The following BMP1 variants were observed in gnomAD, a reference collection of about 807,000 sequenced individuals.
BMP1 encodes the protein mammalian tolloid protein.
Under a neutral mutation model 116.8 loss-of-function variants are expected in BMP1, and 63 were observed. The observed-to-expected ratio is 0.54, with a 90% CI of 0.44 to 0.67. The LOEUF (loss-of-function observed/expected upper bound fraction) is 0.67. Ranked by LOEUF, BMP1 falls within the 30% of genes least tolerant of loss-of-function variation. The probability of loss-of-function intolerance (pLI) is 0.00; values close to 1 mark genes in which losing one functional copy is unlikely to be tolerated. For synonymous variants in BMP1, 536 were observed against 533.4 expected (o/e 1.00, Z -0.07); for missense variants, 1,183 against 1,358.9 (o/e 0.87, Z 2.04).
chr8:22,195,469 C>G lies in BMP1; in HGVS notation c.1647C>G (p.Asp549Glu). The G allele has an allele frequency of 6.2e-7, 1 of 1,606,820 alleles. No homozygotes were observed. Among genetic ancestry groups the G allele is most frequent in the Non-Finnish European group, 8.5e-7 (1 of 1,178,126 alleles). Residue 549 changes from aspartate (D) to glutamate (E), a missense_variant, in exon 13 of 20, where the codon GAC (aspartate) becomes GAG (glutamate). By Grantham distance (45) the Asp-to-Glu change is conservative. Coordinates refer to ENST00000306385, the MANE Select transcript of BMP1 (RefSeq NM_006129.5). Reference sequence around the variant, plus strand: ...CTTTCCTTCCCACCACAGAGGTGGACGAGTGCTCTCGGCCCAACCGCGGGG... The same window carrying G: ...CTTTCCTTCCCACCACAGAGGTGGAGGAGTGCTCTCGGCCCAACCGCGGGG... Reference protein sequence around the residue: ...GFAVNFFKEVDECSRPNRGGC... With the variant: ...GFAVNFFKEVEECSRPNRGGC...
At chr8:22,183,056 TG>T (rs1488272024) in intron 8 of BMP1, among the ~76,000 whole-genome samples, 23 of 152,240 alleles carry the variant, frequency 1.5e-4, no homozygotes, top group Admixed American at 6.5e-4. Flanking sequence ...GCTTCTCTCT[TG>T]GTTGATATTC....
At position 22,195,547 on chromosome 8, in the gene BMP1, C is replaced by T. The variant is rs2131885141; in HGVS notation, c.1725C>T (p.Asp575=). The T allele has an allele frequency of 2.5e-6, 4 of 1,612,582 alleles. No individual in the cohort carries two copies. The highest frequency in any genetic ancestry group is 1.7e-4 in the Middle Eastern group (1 of 5,804). ...TGGGCAGCTACAAGTGCAGCTGTGA[C>T]CCCGGGTACGAGCTGGCCCCAGACA... ...NTLGSYKCSC[D]PGYELAPDKR... The change falls in exon 13 of 20, where the codon GAC becomes GAT. Residue 575 remains aspartate (D), a synonymous_variant. Coordinates refer to ENST00000306385, the MANE Select transcript of BMP1 (RefSeq NM_006129.5).
chr8:22,201,156 C>T, intron 15 of BMP1: 2 of 1,613,556 alleles, frequency 1.2e-6, no homozygotes, highest in Non-Finnish European at 1.7e-6. Context: ...GGGACGCCCC[C>T]ACCAGCTCAA....
intron 8 of BMP1, among the ~76,000 whole-genome samples, chr8:22,186,512 G>C (rs903641847): frequency 3.3e-5 from 5 of 152,148 alleles, no homozygotes; most frequent in Non-Finnish European, 7.4e-5. Context: ...CTGTTGCCCA[G>C]GCTGGAGTGC....
rs369347108 is a variant in BMP1, at chr8:22,177,722, C to G, written c.731-130C>G. Reference sequence around the variant, plus strand: ...CCCCAGGCTCCCCTTGGCTGCTCCCCGGACCCTCAGGTAGGGGGACTCTCT... The same window carrying G: ...CCCCAGGCTCCCCTTGGCTGCTCCCGGGACCCTCAGGTAGGGGGACTCTCT... On this transcript the variant is annotated intron_variant, in intron 5 of 19. Coordinates refer to ENST00000306385, the MANE Select transcript of BMP1 (RefSeq NM_006129.5). 1.4e-5 allele frequency: 11 copies of G among 793,142 alleles called. No individual in the cohort carries two copies. The African/African-American group carries it at 1.7e-4, about 12-fold the overall frequency. 49.1% of individuals were successfully genotyped at this position (793,142 alleles called of 1,614,324 possible).
chr8:22,166,193 G>T (rs989997754), intron 1 of BMP1, among the ~76,000 whole-genome samples: 5 of 152,144 alleles, frequency 3.3e-5, no homozygotes, highest in African/African-American at 1.2e-4. Context: ...AGTCAGAGAA[G>T]CCAACCCAGA....
At chr8:22,199,199 G>A (rs1443119836) in intron 15 of BMP1, 1 of 1,367,604 alleles carries the variant, frequency 7.3e-7, no homozygotes, top group East Asian at 4.6e-5. Flanking sequence ...ACCTGCAGAG[G>A]ACCCCCACTG....
At position 22,206,982 on chromosome 8, in the gene BMP1, G is replaced by C; in HGVS notation, c.2361+1G>C. ...CACCCCCGGGCACCGGGTCAAGCTGGTAAGGGGTCCCCTCCCCACTCCTTA... is the reference window on the plus strand; with the variant it reads ...CACCCCCGGGCACCGGGTCAAGCTGCTAAGGGGTCCCCTCCCCACTCCTTA... On this transcript the variant is annotated splice_donor_variant, in intron 17 of 19. Coordinates refer to ENST00000306385, the MANE Select transcript of BMP1 (RefSeq NM_006129.5). LOFTEE classifies it high-confidence loss of function. 8 of 1,614,108 alleles carry C rather than the reference G, an allele frequency of 5.0e-6. No individual in the cohort carries two copies. The highest frequency in any genetic ancestry group is 6.8e-6 in the Non-Finnish European group (8 of 1,179,988).
chr8:22,196,360 C>A, intron 13 of BMP1: 1 of 589,044 alleles, frequency 1.7e-6, no homozygotes, highest in Non-Finnish European at 3.2e-6. Context: ...GACCGCCCCT[C>A]CCTGAACTGC....
chr8:22,195,413 C>T, intron 12 of BMP1, 49 bp from the exon 13 acceptor site: 1 of 1,564,292 alleles, frequency 6.4e-7, no homozygotes, highest in Non-Finnish European at 8.6e-7. Flanking sequence ...CAGCCAGCTT[C>T]TTCCCTTGAA....
At chr8:22,180,909 G>T (rs971611575) in intron 8 of BMP1, among the ~76,000 whole-genome samples, 1 of 152,276 alleles carries the variant, frequency 6.6e-6, no homozygotes, top group Middle Eastern at 3.4e-3. Flanking sequence ...TCAGGTCTGG[G>T]TTCCCTTGGA....
In BMP1 at chr8:22,179,868, AG is replaced by A; in HGVS notation, c.961+42del. On this transcript the variant is annotated intron_variant, in intron 7 of 19. Coordinates refer to ENST00000306385, the MANE Select transcript of BMP1 (RefSeq NM_006129.5). This position sits in a 1 kb window ranked among gnomAD's most constrained non-coding sequence, Gnocchi z 4.6. The stretch of plus-strand genomic sequence containing the variant: ...AGGGATGGGTGAGGGCGTGGAGGGC[AG>A]GGCCTGAGGGAGGCAGAGGCCAGGT... 6.3e-7 allele frequency: 1 copy of A among 1,583,962 alleles called. No homozygotes were observed. Among genetic ancestry groups the A allele is most frequent in the Non-Finnish European group, 8.6e-7 (1 of 1,161,888 alleles).
chr8:22,190,375 G>A (rs566988483), intron 8 of BMP1, among the ~76,000 whole-genome samples: 4 of 152,222 alleles, frequency 2.6e-5, no homozygotes, highest in Non-Finnish European at 5.9e-5. Flanking sequence ...GCTAAGCTGG[G>A]TAAGGAGAGA....
chr8:22,199,734 G>C (rs1239207047), intron 15 of BMP1, among the ~76,000 whole-genome samples: 4 of 152,160 alleles, frequency 2.6e-5, no homozygotes, highest in Non-Finnish European at 5.9e-5. Flanking sequence ...TGAACCCCAG[G>C]ATGGCTCATA....
Position 22,206,931 on chromosome 8 carries a change from A to G in BMP1, c.2311A>G (p.Lys771Glu), listed in dbSNP as rs1278082475. The G allele has an allele frequency of 6.2e-7, 1 of 1,614,178 alleles. No individual in the cohort carries two copies. The highest frequency in any genetic ancestry group is 1.7e-5 in the Admixed American group (1 of 60,032). The change falls in exon 17 of 20, where the codon AAG (lysine) becomes GAG (glutamate). Residue 771 changes from lysine (K) to glutamate (E), a missense_variant. Physicochemically the swap from Lys to Glu is moderately conservative, Grantham distance 56 (BLOSUM62 1). Around this residue, in one of 4 missense-constraint regions of BMP1, gnomAD observed 956 missense variants for 1,135.2 expected, o/e 0.84. Transcript: ENST00000306385. Reference protein sequence around the residue: ...PNWPDKYPSKKECTWAISSTP... With the variant: ...PNWPDKYPSKEECTWAISSTP... ...CTGGCCTGACAAGTATCCCAGCAAGAAGGAGTGCACGTGGGCCATCTCCAG... is the reference window on the plus strand; with the variant it reads ...CTGGCCTGACAAGTATCCCAGCAAGGAGGAGTGCACGTGGGCCATCTCCAG...
chr8:22,191,723 G>A (rs2131877794), intron 8 of BMP1, among the ~76,000 whole-genome samples: 1 of 152,314 alleles, frequency 6.6e-6, no homozygotes, highest in Non-Finnish European at 1.5e-5. Context: ...GCGGCCCTTG[G>A]CCCTTCCTAC....
intron 8 of BMP1, among the ~76,000 whole-genome samples, chr8:22,185,174 G>A (rs374768985): frequency 6.6e-6 from 1 of 152,266 alleles, no homozygotes; most frequent in Admixed American, 6.5e-5. Context: ...GGAATCAGCC[G>A]GGTGCGGTGA....
chr8:22,195,800 C>T (rs906697709), intron 13 of BMP1, among the ~76,000 whole-genome samples: 1 of 152,178 alleles, frequency 6.6e-6, no homozygotes, highest in Non-Finnish European at 1.5e-5. Flanking sequence ...GTGCACATCA[C>T]CTTGCCTGGC....
chr8:22,167,733 G>A (rs528692726), intron 1 of BMP1, among the ~76,000 whole-genome samples: 20 of 152,192 alleles, frequency 1.3e-4, no homozygotes, highest in Non-Finnish European at 2.6e-4. Flanking sequence ...GAGGGCCCCC[G>A]GGCCTGACAA....
Sources: allele counts gnomAD v4.1 joint callset (sites outside exome capture counted in the v4.1 genomes callset), GRCh38; gene constraint gnomAD v4.1.1; regional missense constraint gnomAD v4.1.1; non-coding constraint Gnocchi (gnomAD v3.1); transcripts MANE v1.5; gene names NCBI Gene and HGNC (gene_info 2026-07-23, HGNC 2026-07-21).